Variants in IQSEC2 observed in about 807,000 individuals in gnomAD.
IQSEC2 encodes the protein IQ motif and Sec7 domain ArfGEF 2, also known as IQ motif and SEC7 domain-containing protein 2.
IQSEC2 carries 6 observed loss-of-function variants against 74.6 expected under a neutral mutation model. The ratio of observed to expected loss-of-function variants is 0.08; its 90% CI spans 0.04 to 0.16. The LOEUF (loss-of-function observed/expected upper bound fraction) is 0.16, where lower values mean the gene tolerates loss of function less well. IQSEC2 is among the 10% of genes least tolerant of loss of function. IQSEC2 has a pLI of 1.00. For synonymous variants in IQSEC2, 494 were observed against 544.5 expected (o/e 0.91, Z 1.29); for missense variants, 734 against 1,306.2 (o/e 0.56, Z 6.75).
intron 1 of IQSEC2, among the ~76,000 whole-genome samples, chrX:53,313,537 C>A (rs188997014): frequency 9.0e-6 from 1 of 111,630 alleles, no homozygotes; most frequent in African/African-American, 3.3e-5. Context: ...TTGCCCTAAA[C>A]GAGCTTCCCC....
At position 53,248,639 on chromosome X, in the gene IQSEC2, G is replaced by A. The variant is rs2074341797; in HGVS notation, c.2459+82C>T. ...TTTTGAAAAGCTTATCTGAGCTAAA[G>A]GGACAGGCTGCCCCCTTCCTCCCTC... On this transcript the variant is annotated intron_variant, in intron 6 of 14. Coordinates refer to ENST00000642864, the MANE Select transcript of IQSEC2 (RefSeq NM_001111125.3). The A allele has an allele frequency of 2.9e-6, 3 of 1,046,591 alleles. No individual in the cohort carries two copies. In the East Asian group the frequency reaches 9.1e-5, roughly 32 times the overall value. 86.3% of individuals were successfully genotyped at this position (1,046,591 alleles called of 1,213,427 possible).
chrX:53,314,680 G>A (rs782450250), intron 1 of IQSEC2, among the ~76,000 whole-genome samples: 9 of 112,008 alleles, frequency 8.0e-5, no homozygotes, highest in Admixed American at 4.7e-4. Context: ...GTACAAAGAC[G>A]AGAGGAAAAA....
At chrX:53,272,084 T>G (rs372540920) in intron 2 of IQSEC2, among the ~76,000 whole-genome samples, 1 of 110,866 alleles carries the variant, frequency 9.0e-6, no homozygotes, top group East Asian at 2.8e-4. Context: ...GGAATGCTCT[T>G]CCACACTTCA....
At chrX:53,235,958 A>C in intron 13 of IQSEC2, 126 bp from the exon 14 acceptor site, 4 of 628,114 alleles carry the variant, frequency 6.4e-6, no homozygotes, top group Non-Finnish European at 9.7e-6. Context: ...CCTTTCCCCC[A>C]TTGAAGAGGG....
Position 53,233,478 on chromosome X carries a change from C to T in IQSEC2, c.*741G>A. On this transcript the variant is annotated 3_prime_UTR_variant, in exon 15 of 15. Transcript: ENST00000642864. Reference sequence around the variant, plus strand: ...GTGCCCTTCTCATCCCAGACCTGAGCCCCCCCCAAAACCTGTCTGGACTTT... The same window carrying T: ...GTGCCCTTCTCATCCCAGACCTGAGTCCCCCCCAAAACCTGTCTGGACTTT... 8.6e-6 allele frequency: 1 copy of T among 116,037 alleles called. No individual in the cohort carries two copies. Among genetic ancestry groups the T allele is most frequent in the Non-Finnish European group, 1.8e-5 (1 of 55,111 alleles). The allele number at this position is 116,037 out of a possible 1,213,427, so 9.6% of individuals were successfully genotyped here. A position where few individuals can be genotyped will look rare whatever the true frequency, so the allele number is the denominator to read the frequency against.
intron 7 of IQSEC2, among the ~76,000 whole-genome samples, chrX:53,247,336 A>G (rs1335053810): frequency 8.9e-6 from 1 of 112,377 alleles, no homozygotes; most frequent in Non-Finnish European, 1.9e-5. Context: ...CAGGGGATTT[A>G]TGTACGTTGT....
chrX:53,245,858 C>CTTTTTTTT (rs368569948), intron 8 of IQSEC2, among the ~76,000 whole-genome samples: 1 of 75,671 alleles, frequency 1.3e-5, no homozygotes, highest in Non-Finnish European at 2.6e-5. Context: ...CTCAATTGTT[C>CTTTTTTTT]TTTTTTTTTT....
chrX:53,264,924 T>TAA (rs373926213), intron 2 of IQSEC2, among the ~76,000 whole-genome samples: 78 of 96,224 alleles, frequency 8.1e-4, no homozygotes, highest in East Asian at 2.0e-3. Context: ...CTGTCATGCT[T>TAA]AAAAAAAAAA....
At chrX:53,227,863 G>A (rs1556857926), downstream of IQSEC2, 4 of 144,272 alleles carry the variant, frequency 2.8e-5, no homozygotes, top group African/African-American at 9.3e-5. Context: ...AGACACACCC[G>A]TCCTAGAAGA....
rs903501586 is a variant in IQSEC2 at position 53,305,387 on chromosome X, C to T, written c.708-13463G>A. Among the ~76,000 whole-genome samples, 6 of 109,248 alleles carry T rather than the reference C, an allele frequency of 5.5e-5. No individual in the cohort carries two copies. The Admixed American group carries it at 5.9e-4, about 11-fold the overall frequency. 94.9% of individuals were successfully genotyped at this position (109,248 alleles called of 115,157 possible). ...CACCACCACGCCCAGCTAATTTTTT[C>T]ATTTTTTGTAGAGATGGGGTCTTGC... On this transcript the variant is annotated intron_variant, in intron 1 of 14. Transcript: ENST00000642864.
chrX:53,236,268 G>A (rs2074127891), intron 13 of IQSEC2, 54 bp downstream of exon 13: 1 of 1,146,327 alleles, frequency 8.7e-7, no homozygotes, highest in African/African-American at 1.8e-5. Flanking sequence ...AGGAGGCAAA[G>A]AGGACACCCG....
intron 1 of IQSEC2, among the ~76,000 whole-genome samples, chrX:53,312,918 T>C (rs184675383): frequency 1.9e-3 from 211 of 112,490 alleles, no homozygotes; most frequent in African/African-American, 6.3e-3. Flanking sequence ...CTATCACTCC[T>C]TTAAAAAGGT....
Position 53,233,888 on chromosome X carries a change from T to C in IQSEC2, c.*331A>G, listed in dbSNP as rs1220432591. ...GAGAGCTCACACAGGCCCAGAGGTC[T>C]GAGGCCACAGAGCTAGACCTCCAGG... is the stretch of plus-strand genomic sequence containing the variant. On this transcript the variant is annotated 3_prime_UTR_variant, in exon 15 of 15. Transcript: ENST00000642864. 2 of 296,220 alleles carry C rather than the reference T, an allele frequency of 6.8e-6. No homozygotes were observed. Among genetic ancestry groups the C allele is most frequent in the Non-Finnish European group, 1.2e-5 (2 of 170,354 alleles). 24.4% of individuals were successfully genotyped at this position (296,220 alleles called of 1,213,427 possible).
At chrX:53,288,260 A>T (rs1354561342) in intron 2 of IQSEC2, among the ~76,000 whole-genome samples, 2 of 110,970 alleles carry the variant, frequency 1.8e-5, no homozygotes, top group Non-Finnish European at 3.8e-5. Context: ...TCTAATCCAA[A>T]CTCCTGTAGG....
In IQSEC2 at chrX:53,238,180, G is replaced by A. The variant is rs782715847; in HGVS notation, c.3242C>T (p.Ala1081Val). The change falls in exon 12 of 15, where the codon GCG becomes GTG. Residue 1081 changes from alanine (A) to valine (V), a missense_variant. Physicochemically the swap from Ala to Val is moderately conservative, Grantham distance 64. Around this residue, in one of 12 missense-constraint regions of IQSEC2, gnomAD observed 249 missense variants for 467.9 expected, o/e 0.53. Coordinates refer to ENST00000642864, the MANE Select transcript of IQSEC2 (RefSeq NM_001111125.3). ...RFTSDLRESIAEVQEMEKYRV... is the reference protein window; with the variant it reads ...RFTSDLRESIVEVQEMEKYRV... Reference sequence around the variant, plus strand: ...GTATTTCTCCATCTCCTGCACCTCCGCAATGGACTCGCGCAGGTCGGATGT... The same window carrying A: ...GTATTTCTCCATCTCCTGCACCTCCACAATGGACTCGCGCAGGTCGGATGT... The A allele has an allele frequency of 7.5e-6, 9 of 1,204,728 alleles. No individual in the cohort carries two copies. The African/African-American group carries it at 1.2e-4, about 17-fold the overall frequency.
At chrX:53,263,637 C>CA (rs782556515) in intron 2 of IQSEC2, among the ~76,000 whole-genome samples, 1 of 111,725 alleles carries the variant, frequency 9.0e-6, no homozygotes. Context: ...CCTTCACCCC[C>CA]CGACTTGCTT....
chrX:53,318,710 C>T (rs1435566272), intron 1 of IQSEC2, among the ~76,000 whole-genome samples: 2 of 112,989 alleles, frequency 1.8e-5, no homozygotes, highest in African/African-American at 6.4e-5. Flanking sequence ...CTCAAATGTT[C>T]CCACTGTTTC....
At position 53,320,902 on chromosome X, in the gene IQSEC2, C is replaced by T. The variant is rs781805662; in HGVS notation, c.222G>A (p.Arg74=). 2.0e-5 allele frequency: 23 copies of T among 1,164,516 alleles called. No homozygotes were observed. The highest frequency in any genetic ancestry group is 2.5e-5 in the Non-Finnish European group (22 of 872,217). The change falls in exon 1 of 15, where the codon CGG becomes CGA. Residue 74 remains arginine (R), a synonymous_variant. Coordinates refer to ENST00000642864, the MANE Select transcript of IQSEC2 (RefSeq NM_001111125.3). ...ESQLHRGELH[R]DPHGARDSPG... ...GGCTATCCCGCGCGCCGTGGGGGTC[C>T]CGGTGCAGCTCCCCGCGGTGCAGCT...
chrX:53,318,866 G>A (rs1337611786), intron 1 of IQSEC2, among the ~76,000 whole-genome samples: 1 of 112,739 alleles, frequency 8.9e-6, no homozygotes, highest in Non-Finnish European at 1.9e-5. Flanking sequence ...CTCCCTGAAT[G>A]GACCTTGGTC....
Sources: gnomAD v4.1 joint callset for allele counts (sites outside exome capture counted in the v4.1 genomes callset) on GRCh38, gnomAD v4.1.1 for gene constraint, gnomAD v4.1.1 regional missense constraint, MANE v1.5 for transcripts, NCBI Gene and HGNC (gene_info 2026-07-23, HGNC 2026-07-21) for gene names.